Variants in CACNG2 observed in about 807,000 individuals in gnomAD.
The protein encoded by CACNG2 is calcium voltage-gated channel auxiliary subunit gamma 2, also known as voltage-dependent calcium channel gamma-2 subunit.
Under a neutral mutation model 25.9 loss-of-function variants are expected in CACNG2, and 3 were observed. The ratio of observed to expected loss-of-function variants is 0.12; its 90% CI spans 0.05 to 0.30. The LOEUF (loss-of-function observed/expected upper bound fraction) is 0.30. CACNG2 is among the 10% of genes least tolerant of loss of function. The pLI is 1.00. For missense variants in CACNG2, 341 were observed against 432.5 expected, an observed-to-expected ratio of 0.79 and a Z score of 1.88; for synonymous variants, 167 against 173.3, an observed-to-expected ratio of 0.96 and a Z score of 0.29.
At chr22:36,694,198 G>A (rs1937303528) in intron 1 of CACNG2, among the ~76,000 whole-genome samples, 1 of 152,104 alleles carries the variant, frequency 6.6e-6, no homozygotes, top group African/African-American at 2.4e-5. Flanking sequence ...TTGATTCTAA[G>A]GCTCGTATTT....
chr22:36,643,102 TTC>T (rs770142291), intron 1 of CACNG2, among the ~76,000 whole-genome samples: 2 of 148,588 alleles, frequency 1.3e-5, no homozygotes, highest in Non-Finnish European at 3.0e-5. Flanking sequence ...TCTCTTTCTC[TTC>T]TCTTTCCTTC....
At chr22:36,656,811 G>A (rs73415660) in intron 1 of CACNG2, among the ~76,000 whole-genome samples, 7,075 of 152,286 alleles carry the variant, frequency 0.046, 562 homozygotes, top group African/African-American at 0.16. Flanking sequence ...TTACCAGTGA[G>A]GCGTCCTAGA....
In CACNG2 at chr22:36,577,190, T is replaced by G. The variant is rs573023672; in HGVS notation, c.295+10275A>C. On this transcript the variant is annotated intron_variant, in intron 2 of 3. Coordinates refer to ENST00000300105, the MANE Select transcript of CACNG2 (RefSeq NM_006078.5). ...CACACTTGAAGCAATGAGAATAATG[T>G]CTGGTATGCGAGGAGCACCAGCAAA... Among the ~76,000 whole-genome samples the G allele has an allele frequency of 3.3e-5, 5 of 152,308 alleles. No homozygotes were observed. In the South Asian group the frequency reaches 1.0e-3, roughly 32 times the overall value.
intron 2 of CACNG2, among the ~76,000 whole-genome samples, chr22:36,580,330 C>G (rs1018288372): frequency 1.1e-4 from 16 of 152,172 alleles, no homozygotes; most frequent in Non-Finnish European, 1.9e-4. Context: ...GGTTCCACTC[C>G]TGCTGTTGGC....
chr22:36,651,320 C>T (rs539288903), intron 1 of CACNG2, among the ~76,000 whole-genome samples: 1 of 150,210 alleles, frequency 6.7e-6, no homozygotes, highest in Non-Finnish European at 1.5e-5. Context: ...CCTCCGCCTC[C>T]CAGGTTCAAG....
intron 1 of CACNG2, among the ~76,000 whole-genome samples, chr22:36,634,715 T>G (rs527710507): frequency 3.9e-5 from 6 of 152,286 alleles, no homozygotes; most frequent in African/African-American, 1.4e-4. Flanking sequence ...TACACATAGA[T>G]CTTGTGCCAG....
At position 36,664,234 on chromosome 22, in the gene CACNG2, A is replaced by C. The variant is rs537809178; in HGVS notation, c.211+38132T>G. Among the ~76,000 whole-genome samples, 11 of 152,238 alleles carry C rather than the reference A, an allele frequency of 7.2e-5. No individual in the cohort carries two copies. The East Asian group carries it at 1.9e-3, about 27-fold the overall frequency. ...AGCCAAGAAGGTCAGACACACACAC[A>C]CACCCATACACACACGCACAGAATG... On this transcript the variant is annotated intron_variant, in intron 1 of 3. Coordinates refer to ENST00000300105, the MANE Select transcript of CACNG2 (RefSeq NM_006078.5).
chr22:36,581,127 G>A (rs1364377960), intron 2 of CACNG2, among the ~76,000 whole-genome samples: 1 of 152,212 alleles, frequency 6.6e-6, no homozygotes, highest in Non-Finnish European at 1.5e-5. Flanking sequence ...GGCTGCCACA[G>A]CAGACACATT....
Position 36,639,440 on chromosome 22 carries a change from A to T in CACNG2, c.212-51892T>A, listed in dbSNP as rs1936408434. Among the ~76,000 whole-genome samples the T allele has an allele frequency of 1.3e-5, 2 of 152,126 alleles. 1 individual carries two copies. The highest frequency in any genetic ancestry group is 4.1e-4 in the South Asian group (2 of 4,824). On this transcript the variant is annotated intron_variant, in intron 1 of 3. Coordinates refer to ENST00000300105, the MANE Select transcript of CACNG2 (RefSeq NM_006078.5). ...GGTAGAGGGAAGTGTGAGAGCAAAG[A>T]GGGACTTATGTGGGTCTGGGATTGT...
chr22:36,625,712 G>C (rs1032433427), intron 1 of CACNG2, among the ~76,000 whole-genome samples: 8 of 152,150 alleles, frequency 5.3e-5, no homozygotes, highest in African/African-American at 1.9e-4. Context: ...TTTAACTACA[G>C]TTTAAAAAAA....
intron 1 of CACNG2, among the ~76,000 whole-genome samples, chr22:36,669,961 G>A (rs1023227281): frequency 1.3e-5 from 2 of 152,060 alleles, no homozygotes; most frequent in Admixed American, 6.6e-5. Context: ...TGATCCACCC[G>A]CCTTGGCCTC....
intron 1 of CACNG2, among the ~76,000 whole-genome samples, chr22:36,653,575 G>A (rs1936654709): frequency 7.7e-6 from 1 of 129,650 alleles, no homozygotes; most frequent in African/African-American, 4.9e-5. Flanking sequence ...CAGAGGCTGT[G>A]GTGTCCAGCC....
chr22:36,653,337 G>C (rs5756281), intron 1 of CACNG2, among the ~76,000 whole-genome samples: 117,594 of 152,122 alleles, frequency 0.77, 45,705 homozygotes, highest in African/African-American at 0.86. Context: ...AAAAACAAAA[G>C]AAAACAAAAA....
rs143336862 is a variant in CACNG2 at position 36,697,181 on chromosome 22, C to G, written c.211+5185G>C. 3.2e-4 allele frequency among the ~76,000 whole-genome samples: 49 copies of G among 152,308 alleles called. No homozygotes were observed. The East Asian group carries it at 4.6e-3, about 14-fold the overall frequency. On this transcript the variant is annotated intron_variant, in intron 1 of 3. Coordinates refer to ENST00000300105, the MANE Select transcript of CACNG2 (RefSeq NM_006078.5). Reference sequence around the variant, plus strand: ...CTGCATTTCCTTAGACTCAGCTACTCAGCTCACAGGGGGCGTGGACCAGGG... The same window carrying G: ...CTGCATTTCCTTAGACTCAGCTACTGAGCTCACAGGGGGCGTGGACCAGGG...
At chr22:36,586,242 C>A (rs1441633174) in intron 2 of CACNG2, among the ~76,000 whole-genome samples, 30 of 152,254 alleles carry the variant, frequency 2.0e-4, no homozygotes, top group Non-Finnish European at 1.6e-4. Context: ...ACAGAAGGAG[C>A]TCAACCCACG....
chr22:36,664,328 T>G (rs1450012111), intron 1 of CACNG2, among the ~76,000 whole-genome samples: 2 of 152,236 alleles, frequency 1.3e-5, no homozygotes, highest in Non-Finnish European at 2.9e-5. Context: ...TCAAAAATGC[T>G]TATTGATCGC....
At chr22:36,684,594 C>G (rs1303705644) in intron 1 of CACNG2, among the ~76,000 whole-genome samples, 2 of 117,366 alleles carry the variant, frequency 1.7e-5, no homozygotes, top group Non-Finnish European at 3.3e-5. Flanking sequence ...CCAGTCTGGG[C>G]AACAGAGCGA....
chr22:36,607,317 G>A lies in CACNG2; in HGVS notation c.212-19769C>T, dbSNP rs887496185. Reference sequence around the variant, plus strand: ...AGCCAGAGTACAGTGGCACAATCACGGCTCACTGCAGCCTTGCACTCCCCA... The same window carrying A: ...AGCCAGAGTACAGTGGCACAATCACAGCTCACTGCAGCCTTGCACTCCCCA... On this transcript the variant is annotated intron_variant, in intron 1 of 3. Coordinates refer to ENST00000300105, the MANE Select transcript of CACNG2 (RefSeq NM_006078.5). 5.3e-5 allele frequency among the ~76,000 whole-genome samples: 8 copies of A among 152,144 alleles called. No homozygotes were observed. In the East Asian group the frequency reaches 9.7e-4, roughly 18 times the overall value.
chr22:36,655,407 G>A (rs78096699), intron 1 of CACNG2, among the ~76,000 whole-genome samples: 3,153 of 152,256 alleles, frequency 0.021, 61 homozygotes, highest in Non-Finnish European at 0.032. Context: ...TTGTTGATGT[G>A]CCCACCCTAG....
Sources: gnomAD v4.1 joint callset for allele counts (sites outside exome capture counted in the v4.1 genomes callset) on GRCh38, gnomAD v4.1.1 for gene constraint, MANE v1.5 for transcripts, NCBI Gene and HGNC (gene_info 2026-07-23, HGNC 2026-07-21) for gene names.